LRBA: variants seen among roughly 807,000 people sequenced by gnomAD.
LRBA encodes LPS responsive beige-like anchor protein.
Under a neutral mutation model 330.0 loss-of-function variants are expected in LRBA, and 176 were observed. That is an observed-to-expected ratio of 0.53 (90% CI 0.47 to 0.60). The LOEUF is 0.60. Ranked by LOEUF, LRBA falls within the 20% of genes least tolerant of loss-of-function variation. LRBA has a pLI of 0.00. For missense variants in LRBA, 3,259 were observed against 3,444.8 expected, an observed-to-expected ratio of 0.95 and a Z score of 1.35; for synonymous variants, 1,230 against 1,193.0, an observed-to-expected ratio of 1.03 and a Z score of -0.64.
At position 150,852,956 on chromosome 4, in the gene LRBA, T is replaced by C. The variant is rs749660897; in HGVS notation, c.2767-13A>G. ...TTTCAAAAGTGACCTAGGTGAAAAATGTACAATCAGTTAAAATATGCATGA... is the reference window on the plus strand; with the variant it reads ...TTTCAAAAGTGACCTAGGTGAAAAACGTACAATCAGTTAAAATATGCATGA... On this transcript the variant is annotated splice_polypyrimidine_tract_variant and intron_variant, in intron 22 of 56. Coordinates refer to ENST00000651943, the MANE Select transcript of LRBA (RefSeq NM_001364905.1). 1.3e-5 allele frequency: 19 copies of C among 1,513,238 alleles called. No individual in the cohort carries two copies. Among genetic ancestry groups the C allele is most frequent in the Non-Finnish European group, 1.6e-5 (18 of 1,128,008 alleles). 93.7% of individuals were successfully genotyped at this position (1,513,238 alleles called of 1,614,324 possible). A position where few individuals can be genotyped will look rare whatever the true frequency, so the allele number is the denominator to read the frequency against.
chr4:150,730,184 A>C (rs1730249147), intron 36 of LRBA, among the ~76,000 whole-genome samples: 1 of 152,224 alleles, frequency 6.6e-6, no homozygotes, highest in South Asian at 2.1e-4. Context: ...AGAGCAAAGG[A>C]AACAGTCAAC....
intron 4 of LRBA, among the ~76,000 whole-genome samples, chr4:150,921,589 T>C (rs924604435): frequency 7.9e-5 from 12 of 152,040 alleles, no homozygotes; most frequent in Non-Finnish European, 1.2e-4. Context: ...TTTTTTGAGA[T>C]GGAGTCTCAC....
chr4:150,854,099 C>G (rs1335494305), intron 22 of LRBA, among the ~76,000 whole-genome samples: 1 of 152,084 alleles, frequency 6.6e-6, no homozygotes, highest in Non-Finnish European at 1.5e-5. Context: ...CAAAAATTTC[C>G]TTCTATCGAC....
intron 38 of LRBA, among the ~76,000 whole-genome samples, chr4:150,598,679 C>A (rs1773779253): frequency 6.6e-6 from 1 of 152,136 alleles, no homozygotes; most frequent in African/African-American, 2.4e-5. Flanking sequence ...TCCTGATATT[C>A]ATGGATTTAA....
intron 30 of LRBA, among the ~76,000 whole-genome samples, chr4:150,818,277 C>T (rs1468073853): frequency 6.6e-6 from 1 of 151,858 alleles, no homozygotes; most frequent in Non-Finnish European, 1.5e-5. Context: ...TTCGTTTTAC[C>T]TCAGTGCCTA....
In LRBA at chr4:150,798,667, T is replaced by C. The variant is rs1741144193; in HGVS notation, c.5519-525A>G. Among the ~76,000 whole-genome samples the C allele has an allele frequency of 2.0e-5, 3 of 152,226 alleles. No individual in the cohort carries two copies. In the South Asian group the frequency reaches 6.2e-4, roughly 32 times the overall value. ...CAGAAATGCAAGCCGTTGTCTGTTA[T>C]ATATTCTTGATTTCTTATAAATTAA... On this transcript the variant is annotated intron_variant, in intron 33 of 56. Coordinates refer to ENST00000651943, the MANE Select transcript of LRBA (RefSeq NM_001364905.1).
chr4:151,008,969 CAAAAAAAAA>C (rs1216990774), intron 2 of LRBA, among the ~76,000 whole-genome samples: 4 of 1,884 alleles, frequency 2.1e-3, no homozygotes, highest in Non-Finnish European at 0.012. Flanking sequence ...GACTCCATCT[CAAAAAAAAA>C]AAAAAAAAAA....
rs535052422 is a variant in LRBA, at chr4:150,360,859, T to C, written c.7195-10700A>G. ...AGCCATTTATAGATCTCTGAGGAAA[T>C]GTGGCAGCATCTGAAAGACGGCATT... On this transcript the variant is annotated intron_variant, in intron 47 of 56. Coordinates refer to ENST00000651943, the MANE Select transcript of LRBA (RefSeq NM_001364905.1). Among the ~76,000 whole-genome samples the C allele has an allele frequency of 2.0e-5, 3 of 152,276 alleles. No individual in the cohort carries two copies. In the East Asian group the frequency reaches 5.8e-4, roughly 29 times the overall value.
rs1347334502 is a variant in LRBA, at chr4:150,282,197, C to T, written c.8316+253G>A. Among the ~76,000 whole-genome samples the T allele has an allele frequency of 4.6e-5, 7 of 152,292 alleles. No homozygotes were observed. In the East Asian group the frequency reaches 1.4e-3, roughly 29 times the overall value. ...AGCCACCCAGGATGGCTTCAGAAGC[C>T]CCTAAGAAAACCTCTTCTATTGAAG... On this transcript the variant is annotated intron_variant, in intron 55 of 56. Transcript: ENST00000651943.
chr4:150,900,295 AT>A, intron 13 of LRBA, 78 bp from the exon 14 acceptor site: 1 of 1,022,632 alleles, frequency 9.8e-7, no homozygotes, highest in Non-Finnish European at 1.4e-6. Flanking sequence ...AGGCTGTTTT[AT>A]TTTCACCACG....
chr4:150,768,806 A>G (rs1736130816), intron 34 of LRBA, among the ~76,000 whole-genome samples: 1 of 152,108 alleles, frequency 6.6e-6, no homozygotes, highest in African/African-American at 2.4e-5. Flanking sequence ...TAGAAAACAG[A>G]CAATATTGTT....
At chr4:150,486,495 A>G (rs1027826919) in intron 42 of LRBA, among the ~76,000 whole-genome samples, 2 of 151,914 alleles carry the variant, frequency 1.3e-5, no homozygotes, top group Non-Finnish European at 2.9e-5. Flanking sequence ...ACATGGAAAT[A>G]AAGCAAATCT....
chr4:150,504,971 G>C (rs1173567722), intron 40 of LRBA, among the ~76,000 whole-genome samples: 2 of 152,150 alleles, frequency 1.3e-5, no homozygotes, highest in African/African-American at 2.4e-5. Flanking sequence ...GATCAAAGGA[G>C]ACAAAGAAGG....
At chr4:150,951,003 T>C (rs1261269863) in intron 2 of LRBA, among the ~76,000 whole-genome samples, 1 of 152,198 alleles carries the variant, frequency 6.6e-6, no homozygotes, top group Non-Finnish European at 1.5e-5. Flanking sequence ...AGGAGAAATA[T>C]GTAAACTGAA....
chr4:150,735,110 A>T (rs995867535), intron 36 of LRBA, 148 bp downstream of exon 36: 1 of 633,620 alleles, frequency 1.6e-6, no homozygotes, highest in Non-Finnish European at 2.8e-6. Context: ...ATCTCCCAGA[A>T]CCCCCATGAC....
At chr4:150,964,355 T>C (rs966345960) in intron 2 of LRBA, among the ~76,000 whole-genome samples, 6 of 149,706 alleles carry the variant, frequency 4.0e-5, no homozygotes, top group African/African-American at 1.3e-4. Context: ...CGGGCCATGA[T>C]GACGATGGCG....
intron 16 of LRBA, among the ~76,000 whole-genome samples, chr4:150,895,911 G>A (rs898640145): frequency 6.6e-6 from 1 of 152,124 alleles, no homozygotes; most frequent in South Asian, 2.1e-4. Flanking sequence ...CAGTGTAAAA[G>A]TGTTCCTATT....
rs376268643 is a variant in LRBA, at chr4:150,467,864, A to T, written c.6668-79T>A. On this transcript the variant is annotated intron_variant, in intron 43 of 56. Transcript: ENST00000651943. ...GATTCAGTAATATAATTTACTAAAAATAAGATTAAACAATTTTTGATTGCC... is the reference window on the plus strand; with the variant it reads ...GATTCAGTAATATAATTTACTAAAATTAAGATTAAACAATTTTTGATTGCC... The T allele has an allele frequency of 5.9e-5, 37 of 629,566 alleles. No individual in the cohort carries two copies. In the South Asian group the frequency reaches 9.6e-4, roughly 16 times the overall value. The allele number at this position is 629,566 out of a possible 1,614,324, so 39.0% of individuals were successfully genotyped here.
chr4:150,949,006 C>A (rs1365590419), intron 2 of LRBA, among the ~76,000 whole-genome samples: 1 of 151,530 alleles, frequency 6.6e-6, no homozygotes. Context: ...AATGACACAG[C>A]CACTATGAAA....
Sources: gnomAD v4.1 joint callset for allele counts (sites outside exome capture counted in the v4.1 genomes callset) on GRCh38, gnomAD v4.1.1 for gene constraint, MANE v1.5 for transcripts, NCBI Gene and HGNC (gene_info 2026-07-23, HGNC 2026-07-21) for gene names.